Variants in REDIC1 observed in about 807,000 individuals in gnomAD.
REDIC1 encodes HEI10 Interacting Protein 1.
the REDIC1 span, among the ~76,000 whole-genome samples, chr12:39,790,284 T>A: frequency 1.3e-5 from 2 of 151,272 alleles, no homozygotes; most frequent in Non-Finnish European, 2.9e-5. Flanking sequence ...GTTAGTTACA[T>A]ATGTATACAT....
At chr12:39,725,056 T>A in the REDIC1 span, among the ~76,000 whole-genome samples, 1 of 152,054 alleles carries the variant, frequency 6.6e-6, no homozygotes, top group Non-Finnish European at 1.5e-5. Flanking sequence ...AAATCTATAT[T>A]CTAGTCCCAA....
the REDIC1 span, among the ~76,000 whole-genome samples, chr12:39,745,590 A>G: frequency 6.6e-6 from 1 of 152,232 alleles, no homozygotes; most frequent in African/African-American, 2.4e-5. Flanking sequence ...AAATGTATAA[A>G]TGGAATAATT....
the REDIC1 span, among the ~76,000 whole-genome samples, chr12:39,635,827 A>C: frequency 6.6e-6 from 1 of 152,172 alleles, no homozygotes; most frequent in South Asian, 2.1e-4. Flanking sequence ...TAGAGGTTTT[A>C]TGGTATTTAT....
At chr12:39,812,377 CT>C in the REDIC1 span, among the ~76,000 whole-genome samples, 824 of 117,968 alleles carry the variant, frequency 7.0e-3, 2 homozygotes, top group Middle Eastern at 0.026. Flanking sequence ...CTTTTCTTTT[CT>C]TTTCTTTCTT....
At chr12:39,702,842 T>G in the REDIC1 span, among the ~76,000 whole-genome samples, 91,937 of 152,084 alleles carry the variant, frequency 0.6, 29,430 homozygotes, top group Non-Finnish European at 0.71. Flanking sequence ...ACCACATGAT[T>G]ATCTCAATAG....
the REDIC1 span, among the ~76,000 whole-genome samples, chr12:39,854,005 A>C: frequency 0.015 from 2,222 of 152,168 alleles, 26 homozygotes; most frequent in Middle Eastern, 0.024. Context: ...TAGCCCTTCA[A>C]TATGAGGGGC....
the REDIC1 span, among the ~76,000 whole-genome samples, chr12:39,667,225 T>C: frequency 3.9e-5 from 6 of 152,262 alleles, no homozygotes; most frequent in Admixed American, 1.3e-4. Context: ...TTTCCCTCTA[T>C]ACACTGCTTT....
the REDIC1 span, chr12:39,684,868 G>A: frequency 2.5e-6 from 4 of 1,608,066 alleles, no homozygotes; most frequent in African/African-American, 2.7e-5. Context: ...AATCCTTAGG[G>A]GAAATATACC....
At chr12:39,858,222 T>C in the REDIC1 span, among the ~76,000 whole-genome samples, 7 of 152,232 alleles carry the variant, frequency 4.6e-5, no homozygotes, top group African/African-American at 1.7e-4. Context: ...TATTTGGCAA[T>C]AAGGTCACAG....
At chr12:39,880,682 C>A in the REDIC1 span, among the ~76,000 whole-genome samples, 4 of 152,242 alleles carry the variant, frequency 2.6e-5, no homozygotes, top group East Asian at 7.7e-4. Flanking sequence ...GCCAATGGAA[C>A]TTATAAGGGA....
the REDIC1 span, among the ~76,000 whole-genome samples, chr12:39,672,134 A>T: frequency 6.6e-6 from 1 of 151,884 alleles, no homozygotes; most frequent in Non-Finnish European, 1.5e-5. Context: ...CTGGTGGTGT[A>T]TGTGTGTGCA....
At chr12:39,711,705 A>G in the REDIC1 span, among the ~76,000 whole-genome samples, 18 of 13,240 alleles carry the variant, frequency 1.4e-3, no homozygotes, top group East Asian at 6.1e-3. Flanking sequence ...GTATGTGTAT[A>G]CACATGCATG....
the REDIC1 span, among the ~76,000 whole-genome samples, chr12:39,770,385 G>T: frequency 1.5e-4 from 23 of 152,212 alleles, no homozygotes; most frequent in Middle Eastern, 3.4e-3. Context: ...AGGCAGCATG[G>T]GGCTGCTCTG....
chr12:39,841,797 C>T, the REDIC1 span, among the ~76,000 whole-genome samples: 1 of 151,778 alleles, frequency 6.6e-6, no homozygotes, highest in African/African-American at 2.4e-5. Context: ...ATTGAAGAGA[C>T]AGAATAGAAA....
chr12:39,812,641 T>C, the REDIC1 span, among the ~76,000 whole-genome samples: 1 of 151,616 alleles, frequency 6.6e-6, no homozygotes, highest in Non-Finnish European at 1.5e-5. Flanking sequence ...CCCGGCTGAT[T>C]TGTATATTTT....
chr12:39,804,930 G>A, the REDIC1 span, among the ~76,000 whole-genome samples: 22,118 of 149,332 alleles, frequency 0.15, 1,793 homozygotes, highest in South Asian at 0.3. Flanking sequence ...GGCAGAGAAA[G>A]AAAACACTCT....
chr12:39,637,489 T>G, the REDIC1 span, among the ~76,000 whole-genome samples: 28 of 152,202 alleles, frequency 1.8e-4, no homozygotes, highest in Non-Finnish European at 3.7e-4. Context: ...TTAGTTTGGT[T>G]GAGTGTTGTA....
the REDIC1 span, among the ~76,000 whole-genome samples, chr12:39,774,932 T>TA: frequency 3.9e-5 from 6 of 152,168 alleles, no homozygotes; most frequent in Non-Finnish European, 8.8e-5. Flanking sequence ...ACTATAGCAA[T>TA]AGTGGTACAG....
At chr12:39,901,346 C>G in the REDIC1 span, among the ~76,000 whole-genome samples, 7 of 151,446 alleles carry the variant, frequency 4.6e-5, no homozygotes, top group Non-Finnish European at 8.8e-5. Context: ...CAAATGGGAT[C>G]TAATTAAACT....
Sources: gnomAD v4.1 joint callset for allele counts (sites outside exome capture counted in the v4.1 genomes callset) on GRCh38, gnomAD v4.1.1 for gene constraint, MANE v1.5 for transcripts, NCBI Gene and HGNC (gene_info 2026-07-23, HGNC 2026-07-21) for gene names.